Variants in USP40 observed in about 807,000 individuals in gnomAD.
USP40 encodes the protein ubiquitin carboxyl-terminal hydrolase 40.
In USP40, 143 loss-of-function variants were observed where a neutral mutation model predicts 166.2. The observed-to-expected ratio is 0.86, with a 90% CI of 0.75 to 0.99. The LOEUF is 0.99. Ranked by LOEUF, USP40 falls within the 50% of genes least tolerant of loss-of-function variation. The probability of loss-of-function intolerance (pLI) is 0.00; values close to 1 mark genes in which losing one functional copy is unlikely to be tolerated. For missense variants in USP40, 1,444 were observed against 1,479.7 expected, an observed-to-expected ratio of 0.98 and a Z score of 0.40; for synonymous variants, 498 against 524.0, an observed-to-expected ratio of 0.95 and a Z score of 0.68.
chr2:233,562,689 C>T, intron 3 of USP40, 47 bp downstream of exon 3: 1 of 1,353,022 alleles, frequency 7.4e-7, no homozygotes, highest in Non-Finnish European at 9.8e-7. Flanking sequence ...ACATTGTGCA[C>T]ATGTACCCTA....
At chr2:233,477,614 A>C in intron 31 of USP40, 111 bp from the exon 32 acceptor site, 1 of 919,538 alleles carries the variant, frequency 1.1e-6, no homozygotes, top group Non-Finnish European at 1.7e-6. Context: ...AAGGACGTGC[A>C]TTTGCAATTG....
intron 6 of USP40, among the ~76,000 whole-genome samples, chr2:233,552,224 GAA>G (rs532914445): frequency 8.6e-6 from 1 of 116,090 alleles, no homozygotes; most frequent in Non-Finnish European, 1.9e-5. Flanking sequence ...AAAGTTGAAT[GAA>G]AAAAAAAAAA....
At chr2:233,500,959 T>C (rs984047123) in intron 21 of USP40, among the ~76,000 whole-genome samples, 1 of 152,204 alleles carries the variant, frequency 6.6e-6, no homozygotes, top group Non-Finnish European at 1.5e-5. Context: ...AATAGAGTGG[T>C]AACCAAGGGG....
chr2:233,481,058 C>T (rs957942353), intron 31 of USP40, 145 bp downstream of exon 31: 20 of 699,596 alleles, frequency 2.9e-5, no homozygotes, highest in African/African-American at 3.6e-5. Flanking sequence ...ACGCAGGGGG[C>T]GGAGAAGGAC....
intron 18 of USP40, among the ~76,000 whole-genome samples, chr2:233,515,113 G>A (rs1559242555): frequency 6.6e-6 from 1 of 152,224 alleles, no homozygotes; most frequent in Non-Finnish European, 1.5e-5. Context: ...GTGACGAACA[G>A]TATCCATTGC....
chr2:233,531,439 G>A (rs965753547), intron 11 of USP40, among the ~76,000 whole-genome samples: 2 of 152,056 alleles, frequency 1.3e-5, no homozygotes, highest in Non-Finnish European at 2.9e-5. Context: ...CAATTCCTAA[G>A]CTAACAAGAA....
intron 21 of USP40, among the ~76,000 whole-genome samples, chr2:233,502,523 T>C (rs941463524): frequency 1.3e-5 from 2 of 152,144 alleles, no homozygotes; most frequent in Admixed American, 6.5e-5. Flanking sequence ...GATTTTGCAA[T>C]CTGGCAGTGG....
chr2:233,539,050 C>A (rs927223511), intron 10 of USP40, among the ~76,000 whole-genome samples: 1 of 151,988 alleles, frequency 6.6e-6, no homozygotes, highest in Non-Finnish European at 1.5e-5. Context: ...AAGCATTTCA[C>A]GCCAGGAGGC....
intron 16 of USP40, among the ~76,000 whole-genome samples, 155 bp from the exon 17 acceptor site, chr2:233,521,269 G>A (rs373970733): frequency 2.6e-4 from 39 of 152,194 alleles, no homozygotes; most frequent in African/African-American, 8.7e-4. Context: ...GGTAATGTTA[G>A]GCAGTAGTCT....
At chr2:233,500,036 G>C in intron 21 of USP40, 121 bp from the exon 22 acceptor site, 1 of 739,692 alleles carries the variant, frequency 1.4e-6, no homozygotes, top group Non-Finnish European at 2.2e-6. Context: ...TTCTTGAATA[G>C]GCAAGGATAG....
chr2:233,516,190 T>A (rs1412354577), intron 18 of USP40, among the ~76,000 whole-genome samples: 1 of 152,198 alleles, frequency 6.6e-6, no homozygotes, highest in Non-Finnish European at 1.5e-5. Context: ...TGTATGCCAA[T>A]ATACACTGTC....
intron 1 of USP40, among the ~76,000 whole-genome samples, chr2:233,566,368 A>G (rs2072159187): frequency 2.0e-5 from 3 of 152,198 alleles, no homozygotes; most frequent in Non-Finnish European, 1.5e-5. Flanking sequence ...AAGCGCTGAA[A>G]TGCAATTATT....
chr2:233,484,448 T>C (rs2064817004), intron 30 of USP40, among the ~76,000 whole-genome samples: 1 of 152,136 alleles, frequency 6.6e-6, no homozygotes, highest in Admixed American at 6.5e-5. Context: ...GATCTAATCA[T>C]TTATCTGTGT....
intron 23 of USP40, 49 bp from the exon 24 acceptor site, chr2:233,496,881 C>T: frequency 6.9e-7 from 1 of 1,444,422 alleles, no homozygotes; most frequent in Non-Finnish European, 9.7e-7. Context: ...CTGAAAGGAG[C>T]AGATCATTGA....
At chr2:233,548,124 G>A (rs1410049337) in intron 8 of USP40, among the ~76,000 whole-genome samples, 1 of 152,104 alleles carries the variant, frequency 6.6e-6, no homozygotes, top group Non-Finnish European at 1.5e-5. Flanking sequence ...GAGAAAAATT[G>A]ATTACTCAAT....
At position 233,527,281 on chromosome 2, in the gene USP40, T is replaced by C. The variant is rs1338339368; in HGVS notation, c.1725+126A>G. 42 of 1,060,788 alleles carry C rather than the reference T, an allele frequency of 4.0e-5. No individual in the cohort carries two copies. The South Asian group carries it at 7.4e-4, about 19-fold the overall frequency. 65.7% of individuals were successfully genotyped at this position (1,060,788 alleles called of 1,614,324 possible). On this transcript the variant is annotated intron_variant, in intron 13 of 31. Coordinates refer to ENST00000678225, the MANE Select transcript of USP40 (RefSeq NM_001365479.2). ...AGATTTGGGTCAACCCTCTATGAAG[T>C]GGCAGATGTCAGATCTTCCTAAGCA... is the stretch of plus-strand genomic sequence containing the variant.
At chr2:233,563,095 TGTCTATG>T (rs529478957) in intron 2 of USP40, among the ~76,000 whole-genome samples, 1 of 152,184 alleles carries the variant, frequency 6.6e-6, no homozygotes, top group Non-Finnish European at 1.5e-5. Context: ...GGCTTCCCAC[TGTCTATG>T]GCATCAGGTC....
intron 30 of USP40, among the ~76,000 whole-genome samples, chr2:233,484,154 T>C (rs2064797596): frequency 6.6e-6 from 1 of 152,212 alleles, no homozygotes; most frequent in Non-Finnish European, 1.5e-5. Context: ...CGAGATACTG[T>C]CTCAACAACA....
intron 21 of USP40, among the ~76,000 whole-genome samples, chr2:233,507,611 G>A (rs2066513665): frequency 6.7e-6 from 1 of 150,124 alleles, no homozygotes; most frequent in Non-Finnish European, 1.5e-5. Flanking sequence ...ACTCATATGT[G>A]GAATCTTAAA....
Sources: gnomAD v4.1 joint callset for allele counts (sites outside exome capture counted in the v4.1 genomes callset) on GRCh38, gnomAD v4.1.1 for gene constraint, MANE v1.5 for transcripts, NCBI Gene and HGNC (gene_info 2026-07-23, HGNC 2026-07-21) for gene names.